Variants in TMEM135 observed in about 807,000 individuals in gnomAD.
TMEM135 encodes the protein transmembrane protein 135.
TMEM135 carries 30 observed loss-of-function variants against 60.3 expected under a neutral mutation model. The observed-to-expected ratio is 0.50, with a 90% CI of 0.37 to 0.68. The LOEUF (loss-of-function observed/expected upper bound fraction) is 0.68, where lower values mean the gene tolerates loss of function less well. Among genes scored for constraint, TMEM135 ranks in the 30% least tolerant of loss-of-function variants. The pLI is 0.00. For missense variants in TMEM135, 468 were observed against 548.8 expected (o/e 0.85, Z 1.47); for synonymous variants, 190 against 186.7 (o/e 1.02, Z -0.14).
intron 3 of TMEM135, among the ~76,000 whole-genome samples, chr11:87,077,896 G>A (rs1438085025): frequency 6.6e-6 from 1 of 152,154 alleles, no homozygotes; most frequent in African/African-American, 2.4e-5. Context: ...TGGTTTTGAA[G>A]TTTGATGTCA....
intron 5 of TMEM135, among the ~76,000 whole-genome samples, chr11:87,225,353 G>A (rs776040568): frequency 1.3e-5 from 2 of 152,000 alleles, no homozygotes; most frequent in Non-Finnish European, 2.9e-5. Flanking sequence ...AACAGTGTAT[G>A]TTAAGGACTT....
chr11:87,133,655 A>C (rs1938002103), intron 4 of TMEM135, among the ~76,000 whole-genome samples: 1 of 152,016 alleles, frequency 6.6e-6, no homozygotes, highest in South Asian at 2.1e-4. Context: ...CATACCCATT[A>C]CTCTACAAAT....
At chr11:87,126,473 T>G (rs1489718978) in intron 4 of TMEM135, among the ~76,000 whole-genome samples, 2 of 151,946 alleles carry the variant, frequency 1.3e-5, no homozygotes, top group Admixed American at 1.3e-4. Context: ...ATTGAAACAA[T>G]TACATTAACT....
intron 4 of TMEM135, among the ~76,000 whole-genome samples, chr11:87,142,896 C>A (rs1468858293): frequency 6.6e-6 from 1 of 150,884 alleles, no homozygotes; most frequent in African/African-American, 2.4e-5. Flanking sequence ...ACAATCATTT[C>A]ATTTTTTTTT....
At chr11:87,159,591 G>GCACACACACACACACA (rs757338413) in intron 5 of TMEM135, among the ~76,000 whole-genome samples, 40 of 81,372 alleles carry the variant, frequency 4.9e-4, no homozygotes, top group African/African-American at 1.9e-3. Flanking sequence ...ATACACACAC[G>GCACACACACACACACA]CGCACACACA....
chr11:87,169,112 A>G (rs1939153160), intron 5 of TMEM135, among the ~76,000 whole-genome samples: 1 of 151,966 alleles, frequency 6.6e-6, no homozygotes, highest in South Asian at 2.1e-4. Context: ...ATCAGAGACT[A>G]GGATTGCAAA....
intron 2 of TMEM135, among the ~76,000 whole-genome samples, chr11:87,068,547 A>C (rs3100851): frequency 0.47 from 70,562 of 151,548 alleles, 17,144 homozygotes; most frequent in East Asian, 0.63. Flanking sequence ...GCGGTGGCTC[A>C]CGCCTGTAAT....
intron 8 of TMEM135, among the ~76,000 whole-genome samples, chr11:87,303,466 A>T (rs1000880948): frequency 3.9e-5 from 6 of 152,184 alleles, no homozygotes; most frequent in African/African-American, 1.4e-4. Flanking sequence ...TAGAAAACCT[A>T]TGTTTCACTC....
At chr11:87,224,031 T>G (rs1460901179) in intron 5 of TMEM135, among the ~76,000 whole-genome samples, 1 of 152,120 alleles carries the variant, frequency 6.6e-6, no homozygotes, top group Admixed American at 6.6e-5. Context: ...CAAATGAATT[T>G]TGGAATGACC....
chr11:87,096,197 C>G (rs1030165845), intron 4 of TMEM135: 3 of 307,832 alleles, frequency 9.7e-6, no homozygotes, highest in Non-Finnish European at 1.9e-5. Context: ...ATCCGTTAAA[C>G]TCTTCTACAA....
chr11:87,103,767 T>A (rs1168800525), intron 4 of TMEM135, among the ~76,000 whole-genome samples: 1 of 152,082 alleles, frequency 6.6e-6, no homozygotes, highest in Non-Finnish European at 1.5e-5. Flanking sequence ...CAAGCAGTCC[T>A]CCCATAACTT....
intron 6 of TMEM135, among the ~76,000 whole-genome samples, chr11:87,274,655 A>G (rs1941933781): frequency 6.6e-6 from 1 of 152,046 alleles, no homozygotes; most frequent in African/African-American, 2.4e-5. Context: ...ATTAAAGAAG[A>G]TTAAACAAGA....
chr11:87,291,277 T>C (rs1167729675), intron 6 of TMEM135, among the ~76,000 whole-genome samples: 1 of 152,154 alleles, frequency 6.6e-6, no homozygotes, highest in Non-Finnish European at 1.5e-5. Flanking sequence ...TGCTTAGTAT[T>C]CCCTACTTTA....
chr11:87,260,903 G>T (rs1356221746), intron 6 of TMEM135, among the ~76,000 whole-genome samples: 1 of 151,998 alleles, frequency 6.6e-6, no homozygotes, highest in Non-Finnish European at 1.5e-5. Flanking sequence ...GTCTGGGGTG[G>T]GATGTGAGCT....
chr11:87,051,156 G>C lies in TMEM135; in HGVS notation c.141+12970G>C, dbSNP rs1397271443. ...ACTCTCAATAAATTAGGTATTGATG[G>C]GACGTATTTCAAAATAATAAGAGCT... is the stretch of plus-strand genomic sequence containing the variant. On this transcript the variant is annotated intron_variant, in intron 1 of 14. Transcript: ENST00000305494. 1.9e-4 allele frequency among the ~76,000 whole-genome samples: 10 copies of C among 52,296 alleles called. 2 individuals are homozygous for C. The highest frequency in any genetic ancestry group is 1.6e-3 in the African/African-American group (10 of 6,412). The allele number at this position is 52,296 out of a possible 152,430, so 34.3% of individuals were successfully genotyped here. A position where few individuals can be genotyped will look rare whatever the true frequency, so the allele number is the denominator to read the frequency against.
At chr11:87,295,313 C>T (rs956950665) in intron 6 of TMEM135, among the ~76,000 whole-genome samples, 1 of 152,164 alleles carries the variant, frequency 6.6e-6, no homozygotes, top group African/African-American at 2.4e-5. Flanking sequence ...AAACTTGAAA[C>T]CTTTCTGTGC....
chr11:87,257,480 A>G (rs1432176472), intron 6 of TMEM135, among the ~76,000 whole-genome samples: 1 of 152,122 alleles, frequency 6.6e-6, no homozygotes, highest in African/African-American at 2.4e-5. Context: ...ACTTTGGGTA[A>G]GTTATGTAGC....
chr11:87,137,140 T>C lies in TMEM135; in HGVS notation c.397-20201T>C, dbSNP rs939211255. 6.6e-5 allele frequency among the ~76,000 whole-genome samples: 10 copies of C among 152,098 alleles called. No homozygotes were observed. The East Asian group carries it at 1.9e-3, about 29-fold the overall frequency. ...ATTGTGAAGTTGTATCAGTTTTTGA[T>C]TCATGTATTTTAAAGCTCTGTTTTT... is the stretch of plus-strand genomic sequence containing the variant. On this transcript the variant is annotated intron_variant, in intron 4 of 14. Coordinates refer to ENST00000305494, the MANE Select transcript of TMEM135 (RefSeq NM_022918.4).
At position 87,068,013 on chromosome 11, in the gene TMEM135, TA is replaced by T. The variant is rs564144445; in HGVS notation, c.269+195del. The stretch of plus-strand genomic sequence containing the variant: ...GGCCTCTTGACGTCAAGATGTAATA[TA>T]AACTTTAAATTATTGGTGTAATTAT... On this transcript the variant is annotated intron_variant, in intron 2 of 14. Coordinates refer to ENST00000305494, the MANE Select transcript of TMEM135 (RefSeq NM_022918.4). Among the ~76,000 whole-genome samples the T allele has an allele frequency of 2.2e-4, 34 of 152,232 alleles. No homozygotes were observed. In the East Asian group the frequency reaches 6.6e-3, roughly 29 times the overall value.
Sources: gnomAD v4.1 joint callset for allele counts (sites outside exome capture counted in the v4.1 genomes callset) on GRCh38, gnomAD v4.1.1 for gene constraint, MANE v1.5 for transcripts, NCBI Gene and HGNC (gene_info 2026-07-23, HGNC 2026-07-21) for gene names.